RPIA: variants seen among roughly 807,000 people sequenced by gnomAD.
RPIA encodes the protein ribose-5-phosphate isomerase.
A neutral mutation model predicts 37.8 loss-of-function variants in RPIA; 29 were observed. The ratio of observed to expected loss-of-function variants is 0.77; its 90% CI spans 0.57 to 1.05. RPIA has a LOEUF of 1.05. Among genes scored for constraint, RPIA ranks in the 50% least tolerant of loss-of-function variants. RPIA has a pLI of 0.00. For missense variants in RPIA, 385 were observed against 413.6 expected (o/e 0.93, Z 0.60); for synonymous variants, 167 against 157.0 (o/e 1.06, Z -0.48).
intron 3 of RPIA, among the ~76,000 whole-genome samples, chr2:88,716,223 A>G (rs942827409): frequency 6.6e-6 from 1 of 152,042 alleles, no homozygotes; most frequent in Non-Finnish European, 1.5e-5. Flanking sequence ...TCTATTATCT[A>G]CTTATGACCC....
chr2:88,701,271 T>A (rs1354817757), intron 3 of RPIA, among the ~76,000 whole-genome samples: 1 of 147,058 alleles, frequency 6.8e-6, no homozygotes, highest in Non-Finnish European at 1.5e-5. Context: ...TTTTTTTAAA[T>A]CCTGCTTTCT....
At chr2:88,718,503 G>A (rs529485569) in intron 3 of RPIA, among the ~76,000 whole-genome samples, 1 of 152,264 alleles carries the variant, frequency 6.6e-6, no homozygotes, top group East Asian at 1.9e-4. Flanking sequence ...GAGGTTCCAA[G>A]ATAAACTTGG....
intron 3 of RPIA, among the ~76,000 whole-genome samples, chr2:88,716,540 A>G (rs1673038808): frequency 6.6e-6 from 1 of 152,004 alleles, no homozygotes; most frequent in Non-Finnish European, 1.5e-5. Flanking sequence ...TTAAAATAGC[A>G]CTCCTCACCC....
intron 3 of RPIA, among the ~76,000 whole-genome samples, chr2:88,725,225 C>A (rs1380639208): frequency 6.6e-6 from 1 of 152,124 alleles, no homozygotes; most frequent in Non-Finnish European, 1.5e-5. Flanking sequence ...CAGTGGAGCA[C>A]CAGAGGCTGC....
At chr2:88,744,132 A>C (rs1361092167) in intron 8 of RPIA, among the ~76,000 whole-genome samples, 2 of 152,114 alleles carry the variant, frequency 1.3e-5, no homozygotes, top group Non-Finnish European at 1.5e-5. Flanking sequence ...TTTTTGGTTT[A>C]GGCATTTAAG....
At chr2:88,734,480 A>G in intron 4 of RPIA, 72 bp from the exon 5 acceptor site, 6 of 1,400,604 alleles carry the variant, frequency 4.3e-6, no homozygotes, top group South Asian at 1.2e-5. Context: ...CTGATGAGCT[A>G]TCGCATGCTC....
intron 3 of RPIA, among the ~76,000 whole-genome samples, chr2:88,704,700 A>G (rs1413109808): frequency 1.3e-5 from 2 of 152,206 alleles, no homozygotes; most frequent in African/African-American, 2.4e-5. Flanking sequence ...CCCGTTCAAC[A>G]TAGTACTGGA....
chr2:88,716,645 C>T (rs574693428), intron 3 of RPIA, among the ~76,000 whole-genome samples: 3 of 152,166 alleles, frequency 2.0e-5, no homozygotes, highest in African/African-American at 7.2e-5. Flanking sequence ...ATTGAGAGTT[C>T]ACAGGGCCTT....
intron 3 of RPIA, among the ~76,000 whole-genome samples, chr2:88,711,195 GTAA>G (rs1416334086): frequency 6.6e-6 from 1 of 152,244 alleles, no homozygotes; most frequent in Non-Finnish European, 1.5e-5. Context: ...TATATAGAAT[GTAA>G]AGGATTGGTG....
chr2:88,716,286 G>T (rs899901268), intron 3 of RPIA, among the ~76,000 whole-genome samples: 1 of 152,056 alleles, frequency 6.6e-6, no homozygotes, highest in Non-Finnish European at 1.5e-5. Context: ...CTGAACCTAG[G>T]TACATCTGAT....
chr2:88,720,638 T>C lies in RPIA; in HGVS notation c.403-8640T>C, dbSNP rs991918204. ...AGTTTAAATATATATTATTTAAATA[T>C]ATAGAAATATATTTAATAGTTATGA... On this transcript the variant is annotated intron_variant, in intron 3 of 8. Transcript: ENST00000283646. Among the ~76,000 whole-genome samples the C allele has an allele frequency of 6.0e-5, 9 of 149,960 alleles. No homozygotes were observed. The East Asian group carries it at 1.4e-3, about 23-fold the overall frequency.
chr2:88,709,785 A>G (rs1232881986), intron 3 of RPIA, among the ~76,000 whole-genome samples: 1 of 152,234 alleles, frequency 6.6e-6, no homozygotes, highest in African/African-American at 2.4e-5. Context: ...TTCATCTGCT[A>G]TTAGTGTTAG....
At chr2:88,717,257 A>G (rs1673047770) in intron 3 of RPIA, among the ~76,000 whole-genome samples, 1 of 152,216 alleles carries the variant, frequency 6.6e-6, no homozygotes, top group African/African-American at 2.4e-5. Flanking sequence ...TAATTTAGAA[A>G]GTTTATATTG....
intron 8 of RPIA, among the ~76,000 whole-genome samples, chr2:88,749,350 A>G (rs1293238483): frequency 6.6e-6 from 1 of 152,088 alleles, no homozygotes. Flanking sequence ...CCTTTCAGTG[A>G]ATGATTTTGA....
At chr2:88,738,130 G>A (rs538894128) in intron 8 of RPIA, 54 bp downstream of exon 8, 1 of 1,319,468 alleles carries the variant, frequency 7.6e-7, no homozygotes, top group Non-Finnish European at 1.1e-6. Flanking sequence ...TTCATAACTG[G>A]CCCCTACATC....
At position 88,720,201 on chromosome 2, in the gene RPIA, C is replaced by T. The variant is rs546479967; in HGVS notation, c.403-9077C>T. Among the ~76,000 whole-genome samples, 8 of 152,018 alleles carry T rather than the reference C, an allele frequency of 5.3e-5. No individual in the cohort carries two copies. In the South Asian group the frequency reaches 1.7e-3, roughly 32 times the overall value. ...GTTACAAGAACTTCAAAAGCACATACAAAAAGATACGTGGATGTAATAACC... is the reference window on the plus strand; with the variant it reads ...GTTACAAGAACTTCAAAAGCACATATAAAAAGATACGTGGATGTAATAACC... On this transcript the variant is annotated intron_variant, in intron 3 of 8. Coordinates refer to ENST00000283646, the MANE Select transcript of RPIA (RefSeq NM_144563.3).
intron 3 of RPIA, among the ~76,000 whole-genome samples, chr2:88,709,648 A>G (rs2104090293): frequency 6.6e-6 from 1 of 152,316 alleles, no homozygotes; most frequent in Admixed American, 6.5e-5. Context: ...ATAATTTGCA[A>G]GTGGGGGAAA....
chr2:88,740,296 T>C (rs1673367281), intron 8 of RPIA, among the ~76,000 whole-genome samples: 1 of 152,188 alleles, frequency 6.6e-6, no homozygotes, highest in African/African-American at 2.4e-5. Flanking sequence ...AAAAAAAGTA[T>C]GTAGAAGCTG....
chr2:88,739,708 C>T (rs1428619197), intron 8 of RPIA, among the ~76,000 whole-genome samples: 1 of 152,130 alleles, frequency 6.6e-6, no homozygotes, highest in African/African-American at 2.4e-5. Flanking sequence ...GCATTGACCT[C>T]CTGGGCTTAA....
Sources: allele counts gnomAD v4.1 joint callset (sites outside exome capture counted in the v4.1 genomes callset), GRCh38; gene constraint gnomAD v4.1.1; transcripts MANE v1.5; gene names NCBI Gene and HGNC (gene_info 2026-07-23, HGNC 2026-07-21).